The following MAGI1 variants were observed in gnomAD, a reference collection of about 807,000 sequenced individuals.
MAGI1 encodes membrane associated guanylate kinase, WW and PDZ domain containing 1, also known as membrane-associated guanylate kinase, WW and PDZ domain-containing protein 1.
A neutral mutation model predicts 139.9 loss-of-function variants in MAGI1; 58 were observed. The observed-to-expected ratio is 0.41, with a 90% CI of 0.34 to 0.52. The LOEUF is 0.52. MAGI1 is among the 20% of genes least tolerant of loss of function. MAGI1 has a pLI of 0.12. For synonymous variants in MAGI1, 812 were observed against 737.9 expected, an observed-to-expected ratio of 1.10 and a Z score of -1.63; for missense variants, 1,874 against 1,901.6, an observed-to-expected ratio of 0.99 and a Z score of 0.27.
chr3:65,933,140 C>G (rs550009280), intron 1 of MAGI1, among the ~76,000 whole-genome samples: 6 of 152,248 alleles, frequency 3.9e-5, no homozygotes, highest in African/African-American at 1.4e-4. Context: ...AATATTAATC[C>G]ACTTGAAGAC....
intron 1 of MAGI1, among the ~76,000 whole-genome samples, chr3:65,938,574 C>A (rs1424497328): frequency 6.6e-6 from 1 of 151,918 alleles, no homozygotes. Flanking sequence ...CTTGACACTT[C>A]TTCCTTTTCC....
intron 1 of MAGI1, among the ~76,000 whole-genome samples, chr3:65,881,832 A>T (rs2060341698): frequency 6.6e-6 from 1 of 152,154 alleles, no homozygotes; most frequent in Admixed American, 6.5e-5. Flanking sequence ...GGAAGCCCTT[A>T]AATTCCTTTC....
chr3:65,357,634 G>T (rs1048880165), intron 22 of MAGI1, among the ~76,000 whole-genome samples: 2 of 152,014 alleles, frequency 1.3e-5, no homozygotes, highest in Admixed American at 6.6e-5. Flanking sequence ...AAGCTTTCTG[G>T]AGCAGGGCAG....
chr3:65,749,710 T>TA (rs11328627), intron 1 of MAGI1, among the ~76,000 whole-genome samples: 20,564 of 134,704 alleles, frequency 0.15, 1,880 homozygotes, highest in African/African-American at 0.27. Flanking sequence ...TAGTCTGAGT[T>TA]AAAAAAAAAA....
chr3:65,926,327 T>TTCTCTTTCTC lies in MAGI1; in HGVS notation c.313+111668_313+111669insGAGAAAGAGA, dbSNP rs1553731213. Reference sequence around the variant, plus strand: ...GAAGATCCAAGACTGAAGTCTTCTTTTCTCTCTCTCTCTCTCTCTCTCTCT... The same window carrying TTCTCTTTCTC: ...GAAGATCCAAGACTGAAGTCTTCTTTTCTCTTTCTCTCTCTCTCTCTCTCTCTCTCTCTCT... On this transcript the variant is annotated intron_variant, in intron 1 of 22. Transcript: ENST00000402939. Among the ~76,000 whole-genome samples the TTCTCTTTCTC allele has an allele frequency of 1.9e-3, 216 of 115,666 alleles. 1 individual carries two copies. Among genetic ancestry groups the TTCTCTTTCTC allele is most frequent in the African/African-American group, 5.9e-3 (173 of 29,160 alleles). The allele number at this position is 115,666 out of a possible 152,430, so 75.9% of individuals were successfully genotyped here.
At chr3:65,597,546 T>A in intron 2 of MAGI1, 1 of 412,962 alleles carries the variant, frequency 2.4e-6, no homozygotes, top group South Asian at 1.7e-5. Context: ...CGGGCCTGCC[T>A]GGTGAATTAA....
In MAGI1 at chr3:65,622,005, T is replaced by G. The variant is rs775668792; in HGVS notation, c.397A>C (p.Ile133Leu). Reference protein sequence around the residue: ...GSPDHELQQTIRDNLYRHAVP... With the variant: ...GSPDHELQQTLRDNLYRHAVP... ...GCATGGCGGTAAAGGTTATCCCTTA[T>G]GGTCTGCTGGAGCTCATGATCAGGA... is the stretch of plus-strand genomic sequence containing the variant. The change falls in exon 2 of 23, where the codon ATA becomes CTA. Residue 133 changes from isoleucine to leucine, a missense_variant. By Grantham distance (5) the Ile-to-Leu change is conservative (BLOSUM62 2). Coordinates refer to ENST00000402939, the MANE Select transcript of MAGI1 (RefSeq NM_001033057.2). 124 of 1,613,680 alleles carry G rather than the reference T, an allele frequency of 7.7e-5. No individual in the cohort carries two copies. Among genetic ancestry groups the G allele is most frequent in the Non-Finnish European group, 9.9e-5 (117 of 1,179,818 alleles).
chr3:65,618,165 A>T (rs2083471327), intron 2 of MAGI1, among the ~76,000 whole-genome samples: 1 of 152,170 alleles, frequency 6.6e-6, no homozygotes, highest in Admixed American at 6.5e-5. Flanking sequence ...GAAGACACAA[A>T]GTGTGTTTGG....
chr3:65,464,522 G>A (rs1212753928), intron 5 of MAGI1, among the ~76,000 whole-genome samples: 2 of 151,440 alleles, frequency 1.3e-5, no homozygotes, highest in Non-Finnish European at 2.9e-5. Flanking sequence ...TTAAAAGTAT[G>A]TTGTTTAGTT....
chr3:65,902,184 C>T (rs915861569), intron 1 of MAGI1, among the ~76,000 whole-genome samples: 1 of 152,060 alleles, frequency 6.6e-6, no homozygotes, highest in Non-Finnish European at 1.5e-5. Flanking sequence ...TTTACAAATA[C>T]GAGGGAGACA....
chr3:65,983,832 T>C (rs1166035101), intron 1 of MAGI1, among the ~76,000 whole-genome samples: 2 of 152,194 alleles, frequency 1.3e-5, no homozygotes, highest in Admixed American at 6.5e-5. Flanking sequence ...AAAATGGGAA[T>C]AGTGATGGTA....
At chr3:65,961,926 T>A (rs2064447344) in intron 1 of MAGI1, among the ~76,000 whole-genome samples, 1 of 151,996 alleles carries the variant, frequency 6.6e-6, no homozygotes, top group Non-Finnish European at 1.5e-5. Flanking sequence ...GAGCTAAGAG[T>A]CTGGGAGCCA....
chr3:65,764,325 G>A (rs1047893013), intron 1 of MAGI1, among the ~76,000 whole-genome samples: 6 of 151,868 alleles, frequency 4.0e-5, no homozygotes, highest in African/African-American at 1.2e-4. Flanking sequence ...TATTACTTAT[G>A]GTTGTGATTC....
intron 12 of MAGI1, among the ~76,000 whole-genome samples, chr3:65,403,445 T>A (rs183367167): frequency 6.6e-6 from 1 of 152,340 alleles, no homozygotes; most frequent in Non-Finnish European, 1.5e-5. Context: ...AAGTGCTTTT[T>A]TTGGCTTATT....
chr3:65,996,231 A>G (rs1185492732), intron 1 of MAGI1, among the ~76,000 whole-genome samples: 1 of 152,148 alleles, frequency 6.6e-6, no homozygotes, highest in Admixed American at 6.5e-5. Context: ...TAGAATGTTA[A>G]GGAGGATAAA....
chr3:66,038,398 G>A lies in MAGI1; in HGVS notation c.-90C>T. On this transcript the variant is annotated 5_prime_UTR_variant, in exon 1 of 23. Coordinates refer to ENST00000402939, the MANE Select transcript of MAGI1 (RefSeq NM_001033057.2). The stretch of plus-strand genomic sequence containing the variant: ...CCCAAGCCTCCGCTTGTTCATGGGA[G>A]AAACATCTCTCCCCAAATCACAAAA... 1 of 1,474,822 alleles carries A rather than the reference G, an allele frequency of 6.8e-7. No homozygotes were observed. 91.4% of individuals were successfully genotyped at this position (1,474,822 alleles called of 1,614,324 possible). A position where few individuals can be genotyped will look rare whatever the true frequency, so the allele number is the denominator to read the frequency against.
chr3:65,766,598 C>T (rs976087323), intron 1 of MAGI1, among the ~76,000 whole-genome samples: 2 of 152,030 alleles, frequency 1.3e-5, no homozygotes, highest in Non-Finnish European at 2.9e-5. Context: ...ATTATTATAA[C>T]AGAATAAGAG....
chr3:65,747,026 C>T (rs913983389), intron 1 of MAGI1, among the ~76,000 whole-genome samples: 5 of 152,128 alleles, frequency 3.3e-5, no homozygotes, highest in African/African-American at 7.2e-5. Context: ...CTAAGCCAGG[C>T]GTGGTGGCCA....
rs1185838425 is a variant in MAGI1 at position 65,972,235 on chromosome 3, T to G, written c.313+65761A>C. On this transcript the variant is annotated intron_variant, in intron 1 of 22. Transcript: ENST00000402939. Reference sequence around the variant, plus strand: ...AAAGAAGGTGAAGGAGAGAAGACCGTGGAAAGAGGTTTATAACATAAAGCC... The same window carrying G: ...AAAGAAGGTGAAGGAGAGAAGACCGGGGAAAGAGGTTTATAACATAAAGCC... 4.6e-5 allele frequency among the ~76,000 whole-genome samples: 7 copies of G among 152,286 alleles called. No homozygotes were observed. The East Asian group carries it at 1.3e-3, about 29-fold the overall frequency.
Sources: allele counts gnomAD v4.1 joint callset (sites outside exome capture counted in the v4.1 genomes callset), GRCh38; gene constraint gnomAD v4.1.1; transcripts MANE v1.5; gene names NCBI Gene and HGNC (gene_info 2026-07-23, HGNC 2026-07-21).